Variants in IL20RA observed in about 807,000 individuals in gnomAD.
IL20RA encodes interleukin-20 receptor subunit alpha.
A neutral mutation model predicts 36.5 loss-of-function variants in IL20RA; 29 were observed. That is an observed-to-expected ratio of 0.79 (90% CI 0.59 to 1.08). The LOEUF is 1.08. Among genes scored for constraint, IL20RA ranks in the 50% least tolerant of loss-of-function variants. The probability of loss-of-function intolerance (pLI) is 0.00; values close to 1 mark genes in which losing one functional copy is unlikely to be tolerated. For missense variants in IL20RA, 652 were observed against 668.4 expected, an observed-to-expected ratio of 0.98 and a Z score of 0.27; for synonymous variants, 279 against 267.1, an observed-to-expected ratio of 1.04 and a Z score of -0.43.
intron 1 of IL20RA, among the ~76,000 whole-genome samples, chr6:137,023,607 C>T (rs913055850): frequency 6.6e-6 from 1 of 152,128 alleles, no homozygotes; most frequent in African/African-American, 2.4e-5. Flanking sequence ...AAGATGCAGG[C>T]TGTGGAGAGG....
intron 1 of IL20RA, among the ~76,000 whole-genome samples, chr6:137,019,760 A>C (rs1471037892): frequency 1.3e-5 from 2 of 152,240 alleles, no homozygotes; most frequent in African/African-American, 2.4e-5. Flanking sequence ...AAACCAACAG[A>C]ATGAATAATG....
At chr6:137,018,886 A>T (rs1233979782) in intron 1 of IL20RA, among the ~76,000 whole-genome samples, 1 of 152,208 alleles carries the variant, frequency 6.6e-6, no homozygotes. Context: ...TGGCCTTAAC[A>T]TATGAAGAGT....
chr6:137,028,804 G>A (rs1353137470), intron 1 of IL20RA, among the ~76,000 whole-genome samples: 1 of 151,984 alleles, frequency 6.6e-6, no homozygotes, highest in East Asian at 1.9e-4. Flanking sequence ...TGGCATTTGA[G>A]GGATGTTTCC....
At chr6:137,037,556 G>C (rs913183902) in intron 1 of IL20RA, among the ~76,000 whole-genome samples, 5 of 152,142 alleles carry the variant, frequency 3.3e-5, no homozygotes, top group Non-Finnish European at 5.9e-5. Context: ...GATAAGAAAG[G>C]AGGGCTCCTT....
At position 137,001,617 on chromosome 6, in the gene IL20RA, C is replaced by A; in HGVS notation, c.1603G>T (p.Glu535Ter). Reference protein sequence around the residue: ...PAPDRPPGENETYLMQFMEEW... With the variant: ...PAPDRPPGEN ...TCCATGAATTGCATGAGATAGGTTT[C>A]ATTTTCTCCTGGTGGCCTGTCTGGA... Residue 535 changes from glutamate (E) to a stop codon, truncating the protein, a stop_gained, in exon 7 of 7, where the codon GAA becomes TAA. Coordinates refer to ENST00000316649, the MANE Select transcript of IL20RA (RefSeq NM_014432.4). LOFTEE classifies it high-confidence loss of function. 1 of 1,609,900 alleles carries A rather than the reference C, an allele frequency of 6.2e-7. No individual in the cohort carries two copies. Among genetic ancestry groups the A allele is most frequent in the Non-Finnish European group, 8.5e-7 (1 of 1,177,948 alleles).
At chr6:137,044,022 A>G (rs2115435866) in intron 1 of IL20RA, 1 of 776,346 alleles carries the variant, frequency 1.3e-6, no homozygotes, top group African/African-American at 1.9e-5. Context: ...TGAAAAATCA[A>G]AGAGCACTAT....
Position 137,004,159 on chromosome 6 carries a change from C to CGTTTTTTTTTTTTTTTTT in IL20RA, c.864+461_864+462insAAAAAAAAAAAAAAAAAC, listed in dbSNP as rs531501235. Among the ~76,000 whole-genome samples the CGTTTTTTTTTTTTTTTTT allele has an allele frequency of 6.8e-5, 6 of 88,014 alleles. 2 individuals carry two copies. Among genetic ancestry groups the CGTTTTTTTTTTTTTTTTT allele is most frequent in the Admixed American group, 1.3e-4 (1 of 7,676 alleles). 57.7% of individuals were successfully genotyped at this position (88,014 alleles called of 152,430 possible). ...TCTGTTAGTCAGCTAATCCAGAAAG[C>CGTTTTTTTTTTTTTTTTT]TTTTTTTTTTTTTTTTTTTTTTTTT... On this transcript the variant is annotated intron_variant, in intron 6 of 6. Coordinates refer to ENST00000316649, the MANE Select transcript of IL20RA (RefSeq NM_014432.4).
intron 4 of IL20RA, 21 bp from the exon 5 acceptor site, chr6:137,008,764 C>T: frequency 6.5e-7 from 1 of 1,527,266 alleles, no homozygotes; most frequent in Non-Finnish European, 8.8e-7. Flanking sequence ...GAATTGCAAA[C>T]ATTGGTTAGA....
In IL20RA at chr6:137,044,255, G is replaced by T. The variant is rs1270337725; in HGVS notation, c.88+386C>A. 3 of 992,528 alleles carry T rather than the reference G, an allele frequency of 3.0e-6. No individual in the cohort carries two copies. The African/African-American group carries it at 5.2e-5, about 17-fold the overall frequency. The allele number at this position is 992,528 out of a possible 1,614,324, so 61.5% of individuals were successfully genotyped here. A position where few individuals can be genotyped will look rare whatever the true frequency, so the allele number is the denominator to read the frequency against. ...GGCCCCTCCGCGCGGCCGCGGCGGTGGTGGCGGGAACCTGGGACTGGCCGG... is the reference window on the plus strand; with the variant it reads ...GGCCCCTCCGCGCGGCCGCGGCGGTTGTGGCGGGAACCTGGGACTGGCCGG... On this transcript the variant is annotated intron_variant, in intron 1 of 6. Transcript: ENST00000316649.
At chr6:137,026,669 C>G (rs367998618) in intron 1 of IL20RA, among the ~76,000 whole-genome samples, 18 of 152,214 alleles carry the variant, frequency 1.2e-4, no homozygotes, top group Admixed American at 4.6e-4. Context: ...TTTCAGGAAG[C>G]GGATGTTGTA....
At position 137,001,577 on chromosome 6, in the gene IL20RA, T is replaced by A. The variant is rs1246179205; in HGVS notation, c.1643A>T (p.Tyr548Phe). Residue 548 changes from tyrosine (Y) to phenylalanine (F), a missense_variant, in exon 7 of 7, where the codon TAT (tyrosine) becomes TTT (phenylalanine). Transcript: ENST00000316649. ...TTGGCATCAGTTTTCCATCTGCACATATAACCCCCATTCCTCCATGAATTG... is the reference window on the plus strand; with the variant it reads ...TTGGCATCAGTTTTCCATCTGCACAAATAACCCCCATTCCTCCATGAATTG... ...LMQFMEEWGL[Y>F]VQMEN 2 of 1,570,292 alleles carry A rather than the reference T, an allele frequency of 1.3e-6. No individual in the cohort carries two copies. The highest frequency in any genetic ancestry group is 1.7e-6 in the Non-Finnish European group (2 of 1,156,816).
Position 137,039,569 on chromosome 6 carries a change from G to C in IL20RA, c.88+5072C>G, listed in dbSNP as rs145126614. Among the ~76,000 whole-genome samples, 3 of 152,286 alleles carry C rather than the reference G, an allele frequency of 2.0e-5. No individual in the cohort carries two copies. The East Asian group carries it at 5.8e-4, about 29-fold the overall frequency. On this transcript the variant is annotated intron_variant, in intron 1 of 6. Transcript: ENST00000316649. ...CACATATTTGCTCATCGGTGCAAAAGAAATTCAGGAAAAATAAACAAGAAA... is the reference window on the plus strand; with the variant it reads ...CACATATTTGCTCATCGGTGCAAAACAAATTCAGGAAAAATAAACAAGAAA...
intron 3 of IL20RA, 42 bp from the exon 4 acceptor site, chr6:137,009,534 A>T: frequency 7.9e-7 from 1 of 1,267,172 alleles, no homozygotes; most frequent in South Asian, 1.2e-5. Flanking sequence ...TTCAGATGAA[A>T]AATTACCTTA....
chr6:137,013,447 TACAAGCTTTATCTC>T (rs1211535069), intron 2 of IL20RA, among the ~76,000 whole-genome samples: 1 of 152,224 alleles, frequency 6.6e-6, no homozygotes. Context: ...GTCTCTGATT[TACAAGCTTTATCTC>T]ACTAATTATC....
chr6:137,019,426 G>A (rs1775824207), intron 1 of IL20RA, among the ~76,000 whole-genome samples: 1 of 152,048 alleles, frequency 6.6e-6, no homozygotes, highest in Non-Finnish European at 1.5e-5. Flanking sequence ...ACCGCGCCCA[G>A]CCCTATTTGT....
chr6:137,040,867 G>A (rs1408865578), intron 1 of IL20RA, among the ~76,000 whole-genome samples: 1 of 152,160 alleles, frequency 6.6e-6, no homozygotes, highest in African/African-American at 2.4e-5. Flanking sequence ...TTGGGTGTGA[G>A]TTTGGGGATA....
chr6:137,044,876 C>G lies in IL20RA; in HGVS notation c.-148G>C, dbSNP rs1776849591. 2.9e-5 allele frequency: 20 copies of G among 690,030 alleles called. No individual in the cohort carries two copies. Among genetic ancestry groups the G allele is most frequent in the Admixed American group, 4.7e-5 (1 of 21,468 alleles). 42.7% of individuals were successfully genotyped at this position (690,030 alleles called of 1,614,324 possible). ...CGACCTGAGTCCCAGGGCGCCTCCG[C>G]CACAGCCGCGTCCCCCAGGCTTCCC... On this transcript the variant is annotated 5_prime_UTR_variant, in exon 1 of 7. Coordinates refer to ENST00000316649, the MANE Select transcript of IL20RA (RefSeq NM_014432.4).
intron 4 of IL20RA, chr6:137,009,048 C>G (rs1775377239): frequency 5.2e-6 from 3 of 574,144 alleles, no homozygotes; most frequent in Non-Finnish European, 9.2e-6. Context: ...AAAGACTGTG[C>G]AAGTGAAAGC....
rs761253102 is a variant in IL20RA at position 137,001,509 on chromosome 6, T to G, written c.*49A>C. 40 of 1,477,982 alleles carry G rather than the reference T, an allele frequency of 2.7e-5. No homozygotes were observed. Among genetic ancestry groups the G allele is most frequent in the African/African-American group, 1.4e-5 (1 of 71,052 alleles). The allele number at this position is 1,477,982 out of a possible 1,614,324, so 91.6% of individuals were successfully genotyped here. On this transcript the variant is annotated 3_prime_UTR_variant, in exon 7 of 7. Transcript: ENST00000316649. ...TACTTTATGGCTGGGATCAAAGGGG[T>G]GACTCACTTGTTTGCACAGGAAACA... is the stretch of plus-strand genomic sequence containing the variant.
Sources: gnomAD v4.1 joint callset for allele counts (sites outside exome capture counted in the v4.1 genomes callset) on GRCh38, gnomAD v4.1.1 for gene constraint, MANE v1.5 for transcripts, NCBI Gene and HGNC (gene_info 2026-07-23, HGNC 2026-07-21) for gene names.